TSC1: variants seen among roughly 807,000 people sequenced by gnomAD.
The protein encoded by TSC1 is TSC complex subunit 1.
Under a neutral mutation model 124.3 loss-of-function variants are expected in TSC1, and 20 were observed. The observed-to-expected ratio is 0.16, with a 90% CI of 0.11 to 0.23. The LOEUF is 0.23. TSC1 is among the 10% of genes least tolerant of loss of function. TSC1 has a pLI of 1.00. For missense variants in TSC1, 1,124 were observed against 1,448.5 expected (o/e 0.78, Z 3.64); for synonymous variants, 493 against 539.1 (o/e 0.91, Z 1.19).
chr9:132,910,628 A>G lies in TSC1; in HGVS notation c.1206T>C (p.His402=), dbSNP rs1845902050. The change falls in exon 12 of 23, where the codon CAT becomes CAC. Residue 402 remains histidine (H), a synonymous_variant. Transcript: ENST00000298552. ...ATSPPPAPLC[H]SDDYVHISLP... ...GTGAAATGTGCACGTAGTCATCCGA[A>G]TGACAGAGTGGGGCTGGAGGAGGAG... The G allele has an allele frequency of 4.3e-6, 7 of 1,614,122 alleles. No individual in the cohort carries two copies. The highest frequency in any genetic ancestry group is 5.9e-6 in the Non-Finnish European group (7 of 1,180,036).
chr9:132,942,260 G>A (rs1847776124), intron 1 of TSC1: 1 of 152,194 alleles, frequency 6.6e-6, no homozygotes, highest in African/African-American at 2.4e-5. Context: ...GATACTTGAA[G>A]CCAGTGGTCC....
Position 132,906,525 on chromosome 9 carries a change from G to A in TSC1, c.1438+206C>T, listed in dbSNP as rs529565126. The A allele has an allele frequency of 7.3e-5, 41 of 564,022 alleles. No individual in the cohort carries two copies. Among genetic ancestry groups the A allele is most frequent in the Non-Finnish European group, 1.3e-4 (41 of 319,414 alleles). 34.9% of individuals were successfully genotyped at this position (564,022 alleles called of 1,614,324 possible). Reference sequence around the variant, plus strand: ...GATCGTACCACTGCACTCCAGCCAGGGTGACAGAGCAAGACCCTGTCTCAA... The same window carrying A: ...GATCGTACCACTGCACTCCAGCCAGAGTGACAGAGCAAGACCCTGTCTCAA... On this transcript the variant is annotated intron_variant, in intron 14 of 22. Coordinates refer to ENST00000298552, the MANE Select transcript of TSC1 (RefSeq NM_000368.5). The surrounding 1 kb of genome is among the most constrained non-coding windows in gnomAD (Gnocchi z 4.1).
chr9:132,944,784 G>A (rs2132543408), upstream of TSC1: 1 of 395,516 alleles, frequency 2.5e-6, no homozygotes, highest in South Asian at 1.4e-4. Context: ...ATGTGGGTTG[G>A]ACGAGAAAAA....
Position 132,921,487 on chromosome 9 carries a change from T to A in TSC1, c.664-51A>T. The A allele has an allele frequency of 6.3e-7, 1 of 1,587,606 alleles. No individual in the cohort carries two copies. Among genetic ancestry groups the A allele is most frequent in the Non-Finnish European group, 8.7e-7 (1 of 1,156,024 alleles). On this transcript the variant is annotated intron_variant, in intron 7 of 22. Coordinates refer to ENST00000298552, the MANE Select transcript of TSC1 (RefSeq NM_000368.5). The surrounding 1 kb of genome is among the most constrained non-coding windows in gnomAD (Gnocchi z 4.3). ...TAAAGGGCTGAATGTTTGTGGAACA[T>A]CCAAATGATGGAATATTAGTTGACA...
At chr9:132,941,935 G>C (rs1238339342) in intron 1 of TSC1, 1 of 152,178 alleles carries the variant, frequency 6.6e-6, no homozygotes, top group African/African-American at 2.4e-5. Context: ...CAGAACTTAA[G>C]TGACCCACTG....
Position 132,923,595 on chromosome 9 carries a change from A to G in TSC1, c.364-103T>C. On this transcript the variant is annotated intron_variant, in intron 5 of 22. Transcript: ENST00000298552. The surrounding 1 kb of genome is among the most constrained non-coding windows in gnomAD (Gnocchi z 4.2). ...GCTCTAAACACTGAGAGAATCACAA[A>G]TCACAAGTTGACTCACGTACTCATT... The G allele has an allele frequency of 2.0e-6, 3 of 1,531,318 alleles. No homozygotes were observed. In the South Asian group the frequency reaches 3.4e-5, roughly 17 times the overall value. 94.9% of individuals were successfully genotyped at this position (1,531,318 alleles called of 1,614,324 possible).
chr9:132,944,696 C>T (rs914334050), upstream of TSC1: 8 of 398,662 alleles, frequency 2.0e-5, no homozygotes, highest in Non-Finnish European at 3.5e-5. Flanking sequence ...GACCTCCCCT[C>T]CTTCTCGAAA....
In TSC1 at chr9:132,892,198, A is replaced by G. The variant is rs1184325484; in HGVS notation, c.*4037T>C. ...AGTCCCGGACAGGCAAACAAGCCAC[A>G]TGGGACAAGGGTCACAGCAGCAGCC... On this transcript the variant is annotated 3_prime_UTR_variant, in exon 23 of 23. Transcript: ENST00000298552. 3 of 233,188 alleles carry G rather than the reference A, an allele frequency of 1.3e-5. No individual in the cohort carries two copies. The highest frequency in any genetic ancestry group is 2.5e-5 in the Non-Finnish European group (3 of 118,090). 14.4% of individuals were successfully genotyped at this position (233,188 alleles called of 1,614,324 possible).
chr9:132,906,548 C>G lies in TSC1; in HGVS notation c.1438+183G>C, dbSNP rs1472340164. On this transcript the variant is annotated intron_variant, in intron 14 of 22. Transcript: ENST00000298552. The surrounding 1 kb of genome is among the most constrained non-coding windows in gnomAD (Gnocchi z 4.1). Reference sequence around the variant, plus strand: ...AGGGTGACAGAGCAAGACCCTGTCTCAAAAAAAAAAAAAAAAAAAGTGGCA... The same window carrying G: ...AGGGTGACAGAGCAAGACCCTGTCTGAAAAAAAAAAAAAAAAAAAGTGGCA... 4 of 415,226 alleles carry G rather than the reference C, an allele frequency of 9.6e-6. No homozygotes were observed. The East Asian group carries it at 1.7e-4, about 18-fold the overall frequency. 25.7% of individuals were successfully genotyped at this position (415,226 alleles called of 1,614,324 possible). A position where few individuals can be genotyped will look rare whatever the true frequency, so the allele number is the denominator to read the frequency against.
In TSC1 at chr9:132,922,731, C is replaced by T. The variant is rs141024851; in HGVS notation, c.508+617G>A. Among the ~76,000 whole-genome samples, 269 of 152,282 alleles carry T rather than the reference C, an allele frequency of 1.8e-3. 1 individual carries two copies. Among genetic ancestry groups the T allele is most frequent in the Non-Finnish European group, 2.5e-3 (170 of 68,012 alleles). ...TGTAATTTAATCCTATACAGGAAGG[C>T]ACGGTGTTCTGTCTCACAGGTCTGA... On this transcript the variant is annotated intron_variant, in intron 6 of 22. Transcript: ENST00000298552.
chr9:132,931,868 G>T (rs1284372316), intron 2 of TSC1, among the ~76,000 whole-genome samples: 1 of 152,182 alleles, frequency 6.6e-6, no homozygotes, highest in Non-Finnish European at 1.5e-5. Flanking sequence ...GCCCTACATG[G>T]ACTCAGTCAG....
chr9:132,914,936 G>A (rs555424452), intron 8 of TSC1, among the ~76,000 whole-genome samples: 1 of 152,096 alleles, frequency 6.6e-6, no homozygotes. Flanking sequence ...AGCACTATGG[G>A]AGGCCAAGGC....
chr9:132,932,245 C>G (rs1847240899), intron 2 of TSC1, among the ~76,000 whole-genome samples: 1 of 152,222 alleles, frequency 6.6e-6, no homozygotes, highest in African/African-American at 2.4e-5. Flanking sequence ...AATCTCCACT[C>G]CAAAATCCAT....
chr9:132,906,678 T>C lies in TSC1; in HGVS notation c.1438+53A>G, dbSNP rs780353405. ...GCAATGGCACAAAATCCCAGATTTA[T>C]AGCAGAGCGAGGGTCAGGTTTTATC... On this transcript the variant is annotated intron_variant, in intron 14 of 22. Coordinates refer to ENST00000298552, the MANE Select transcript of TSC1 (RefSeq NM_000368.5). The surrounding 1 kb of genome is among the most constrained non-coding windows in gnomAD (Gnocchi z 4.1). The C allele has an allele frequency of 2.3e-5, 34 of 1,471,536 alleles. No individual in the cohort carries two copies. The highest frequency in any genetic ancestry group is 1.7e-4 in the Middle Eastern group (1 of 5,820). 91.2% of individuals were successfully genotyped at this position (1,471,536 alleles called of 1,614,324 possible). A position where few individuals can be genotyped will look rare whatever the true frequency, so the allele number is the denominator to read the frequency against.
At chr9:132,914,931 T>C (rs1004046712) in intron 8 of TSC1, among the ~76,000 whole-genome samples, 1 of 151,986 alleles carries the variant, frequency 6.6e-6, no homozygotes, top group African/African-American at 2.4e-5. Context: ...ATCCCAGCAC[T>C]ATGGGAGGCC....
Position 132,903,844 on chromosome 9 carries a change from C to T in TSC1, c.2042-27G>A, listed in dbSNP as rs780920795. 4 of 1,613,196 alleles carry T rather than the reference C, an allele frequency of 2.5e-6. No individual in the cohort carries two copies. Among genetic ancestry groups the T allele is most frequent in the Non-Finnish European group, 3.4e-6 (4 of 1,179,930 alleles). ...TGATTGTAAAGCAGAGGGAGGGTGG[C>T]AGAAATGCCTTTTACAGATGGTTCA... is the stretch of plus-strand genomic sequence containing the variant. On this transcript the variant is annotated intron_variant, in intron 16 of 22. Coordinates refer to ENST00000298552, the MANE Select transcript of TSC1 (RefSeq NM_000368.5). This position sits in a 1 kb window ranked among gnomAD's most constrained non-coding sequence, Gnocchi z 5.9.
At chr9:132,930,833 CAT>C (rs1847163076) in intron 2 of TSC1, among the ~76,000 whole-genome samples, 1 of 152,126 alleles carries the variant, frequency 6.6e-6, no homozygotes, top group Non-Finnish European at 1.5e-5. Flanking sequence ...GTTGCTGACT[CAT>C]ATCTATAAAT....
chr9:132,910,852 T>C, intron 11 of TSC1, 150 bp downstream of exon 11: 1 of 1,335,972 alleles, frequency 7.5e-7, no homozygotes, highest in Non-Finnish European at 1.1e-6. Context: ...TAGGTTCACT[T>C]TACACATTCT....
intron 8 of TSC1, among the ~76,000 whole-genome samples, chr9:132,917,170 A>G (rs542582033): frequency 6.6e-6 from 1 of 152,222 alleles, no homozygotes; most frequent in South Asian, 2.1e-4. Context: ...AATCCCTGGT[A>G]CTATAAACTT....
Sources: gnomAD v4.1 joint callset for allele counts (sites outside exome capture counted in the v4.1 genomes callset) on GRCh38, gnomAD v4.1.1 for gene constraint, Gnocchi (gnomAD v3.1) non-coding constraint, MANE v1.5 for transcripts, NCBI Gene and HGNC (gene_info 2026-07-23, HGNC 2026-07-21) for gene names.